Variants in GPR160 observed in about 807,000 individuals in gnomAD.
GPR160 encodes G protein-coupled receptor 160.
GPR160 carries 2 observed loss-of-function variants against 2.6 expected under a neutral mutation model. The observed-to-expected ratio is 0.77, with a 90% CI of 0.32 to 2.44. The LOEUF is 2.44. GPR160 is among the 30% of genes most tolerant of loss of function. The pLI is 0.11. For synonymous variants in GPR160, 130 were observed against 132.2 expected (o/e 0.98, Z 0.12); for missense variants, 351 against 383.6 (o/e 0.91, Z 0.71).
In GPR160 at chr3:170,053,571, G is replaced by C. The variant is rs75666248; in HGVS notation, c.-193+14528G>C. Among the ~76,000 whole-genome samples, 1,114 of 152,196 alleles carry C rather than the reference G, an allele frequency of 7.3e-3. 18 individuals carry two copies. The highest frequency in any genetic ancestry group is 0.026 in the African/African-American group (1,069 of 41,536). On this transcript the variant is annotated intron_variant, in intron 2 of 3. Transcript: ENST00000355897. ...AGTTTTATCTTATCCTTTCTAGTCT[G>C]TATGCCTTTCTTTTATTTTCTCGCC...
At chr3:170,077,905 G>A (rs1712945657) in intron 2 of GPR160, 1 of 167,226 alleles carries the variant, frequency 6.0e-6, no homozygotes. Context: ...GGATCGCGAC[G>A]GAACCCTCGA....
intron 3 of GPR160, among the ~76,000 whole-genome samples, chr3:170,083,106 T>C (rs1379056661): frequency 6.6e-6 from 1 of 152,036 alleles, no homozygotes; most frequent in Non-Finnish European, 1.5e-5. Context: ...ATCTCCTACC[T>C]TTCCTTTCAG....
At chr3:170,045,974 G>T (rs753145248) in intron 2 of GPR160, among the ~76,000 whole-genome samples, 1 of 152,174 alleles carries the variant, frequency 6.6e-6, no homozygotes, top group Non-Finnish European at 1.5e-5. Context: ...GGATTCAGTG[G>T]CACGTCAAGT....
At chr3:170,072,561 G>C (rs1023477635) in intron 2 of GPR160, among the ~76,000 whole-genome samples, 8 of 152,182 alleles carry the variant, frequency 5.3e-5, no homozygotes, top group African/African-American at 1.7e-4. Flanking sequence ...CAGGGCACCA[G>C]CATCTGCTTC....
chr3:170,056,928 T>C (rs1481047468), intron 2 of GPR160, among the ~76,000 whole-genome samples: 1 of 152,328 alleles, frequency 6.6e-6, no homozygotes, highest in East Asian at 1.9e-4. Flanking sequence ...AATACTTGTA[T>C]GAGACTGAAA....
chr3:170,061,012 C>T (rs1374822493), intron 2 of GPR160, among the ~76,000 whole-genome samples: 1 of 151,704 alleles, frequency 6.6e-6, no homozygotes, highest in African/African-American at 2.4e-5. Context: ...CGGTGGCTCA[C>T]ACCTGTAATC....
chr3:170,063,552 C>CA (rs528295183), intron 2 of GPR160, among the ~76,000 whole-genome samples: 41,098 of 77,634 alleles, frequency 0.53, 10,575 homozygotes, highest in Non-Finnish European at 0.57. Flanking sequence ...ACAAAAAAAG[C>CA]AAAAAAAAAA....
chr3:170,061,584 T>C (rs1711958858), intron 2 of GPR160, among the ~76,000 whole-genome samples: 2 of 152,100 alleles, frequency 1.3e-5, no homozygotes, highest in African/African-American at 4.8e-5. Flanking sequence ...AAAATGGCTA[T>C]CCGATTATAA....
intron 2 of GPR160, among the ~76,000 whole-genome samples, chr3:170,070,565 C>G (rs1391105263): frequency 6.7e-6 from 1 of 148,714 alleles, no homozygotes; most frequent in East Asian, 1.9e-4. Flanking sequence ...AAGTAAACAT[C>G]ACCTCACTTA....
intron 2 of GPR160, among the ~76,000 whole-genome samples, chr3:170,066,140 T>TC (rs1712321237): frequency 2.5e-5 from 3 of 118,564 alleles, no homozygotes; most frequent in African/African-American, 6.6e-5. Flanking sequence ...CTTTTTTTTT[T>TC]TTTTTTTTTT....
At chr3:170,069,712 A>G (rs1712501167) in intron 2 of GPR160, among the ~76,000 whole-genome samples, 1 of 152,182 alleles carries the variant, frequency 6.6e-6, no homozygotes, top group Admixed American at 6.5e-5. Context: ...ACACTGCATT[A>G]TGTTGGCGCA....
chr3:170,059,057 ACACTT>A (rs1711797150), intron 2 of GPR160, among the ~76,000 whole-genome samples: 1 of 141,752 alleles, frequency 7.1e-6, no homozygotes, highest in Admixed American at 7.3e-5. Flanking sequence ...ACACACACAC[ACACTT>A]ATTTTTGCAG....
chr3:170,055,761 A>G (rs567373718), intron 2 of GPR160, among the ~76,000 whole-genome samples: 1 of 152,182 alleles, frequency 6.6e-6, no homozygotes, highest in South Asian at 2.1e-4. Flanking sequence ...CAGCCTCCTG[A>G]GTAGCTGGGA....
rs150869142 is a variant in GPR160, at chr3:170,049,130, C to G, written c.-193+10087C>G. 5.3e-5 allele frequency among the ~76,000 whole-genome samples: 8 copies of G among 152,332 alleles called. No individual in the cohort carries two copies. The East Asian group carries it at 1.3e-3, about 26-fold the overall frequency. ...CGTGTAAGGACAAGAGCAGGCTCCC[C>G]TCAGTAACACCGGTTCAGGGATCAG... On this transcript the variant is annotated intron_variant, in intron 2 of 3. Coordinates refer to ENST00000355897, the MANE Select transcript of GPR160 (RefSeq NM_014373.3).
intron 2 of GPR160, chr3:170,062,854 C>A: frequency 2.0e-6 from 1 of 491,860 alleles, no homozygotes; most frequent in Non-Finnish European, 3.7e-6. Context: ...GAAGACTGAC[C>A]TCATCAATGA....
At chr3:170,043,150 G>A (rs1195258025) in intron 2 of GPR160, among the ~76,000 whole-genome samples, 2 of 151,688 alleles carry the variant, frequency 1.3e-5, no homozygotes, top group Non-Finnish European at 2.9e-5. Context: ...CAAAGTGCTG[G>A]GATTACAGAC....
chr3:170,040,369 C>T (rs904827203), intron 2 of GPR160, among the ~76,000 whole-genome samples: 2 of 152,134 alleles, frequency 1.3e-5, no homozygotes, highest in Admixed American at 6.6e-5. Flanking sequence ...CGCAGACGCT[C>T]GTTCTTTGTA....
chr3:170,038,701 C>T lies in GPR160; in HGVS notation c.-321-214C>T, dbSNP rs1576881910. 1 of 152,230 alleles carries T rather than the reference C, an allele frequency of 6.6e-6. No individual in the cohort carries two copies. The highest frequency in any genetic ancestry group is 1.5e-5 in the Non-Finnish European group (1 of 68,004). The allele number at this position is 152,230 out of a possible 1,614,324, so 9.4% of individuals were successfully genotyped here. The stretch of plus-strand genomic sequence containing the variant: ...ATTCATTGGGGCCGACTTTGCCTCC[C>T]CTCCCCTGGCCTCGAGCGTTGGGGA... On this transcript the variant is annotated intron_variant, in intron 1 of 3. Coordinates refer to ENST00000355897, the MANE Select transcript of GPR160 (RefSeq NM_014373.3). The surrounding 1 kb of genome is among the most constrained non-coding windows in gnomAD (Gnocchi z 5.3).
At chr3:170,051,283 A>G (rs1190514153) in intron 2 of GPR160, among the ~76,000 whole-genome samples, 1 of 152,136 alleles carries the variant, frequency 6.6e-6, no homozygotes, top group Non-Finnish European at 1.5e-5. Context: ...TTTGATCTAT[A>G]TTGATATCAA....
Sources: allele counts gnomAD v4.1 joint callset (sites outside exome capture counted in the v4.1 genomes callset), GRCh38; gene constraint gnomAD v4.1.1; non-coding constraint Gnocchi (gnomAD v3.1); transcripts MANE v1.5; gene names NCBI Gene and HGNC (gene_info 2026-07-23, HGNC 2026-07-21).